The following SLC60A2 variants were observed in gnomAD, a reference collection of about 807,000 sequenced individuals.
The protein encoded by SLC60A2 is solute carrier family 60 member 2, also known as major facilitator superfamily domain containing 4B.
At chr6:111,264,075 C>A in the SLC60A2 span, 31 of 539,068 alleles carry the variant, frequency 5.8e-5, no homozygotes, top group Admixed American at 6.8e-4. Flanking sequence ...TTGTGAGTCA[C>A]TCAGAATGAA....
the SLC60A2 span, among the ~76,000 whole-genome samples, chr6:111,271,833 GTGGCAGGC>G: frequency 1.3e-3 from 196 of 148,270 alleles, 2 homozygotes; most frequent in African/African-American, 4.7e-3. Context: ...AGGTGTGGTG[GTGGCAGGC>G]ATTTGTAATC....
At chr6:111,275,641 C>T in the SLC60A2 span, among the ~76,000 whole-genome samples, 4 of 152,086 alleles carry the variant, frequency 2.6e-5, no homozygotes, top group Non-Finnish European at 5.9e-5. Flanking sequence ...AACTGCTGAC[C>T]TTGTGATCCA....
chr6:111,259,667 G>T, the SLC60A2 span: 14 of 1,587,134 alleles, frequency 8.8e-6, no homozygotes, highest in Non-Finnish European at 1.2e-5. Context: ...AGAGCGGTGG[G>T]ACCGGGAGCA....
chr6:111,276,311 T>C, the SLC60A2 span, among the ~76,000 whole-genome samples: 1 of 152,246 alleles, frequency 6.6e-6, no homozygotes, highest in Non-Finnish European at 1.5e-5. Flanking sequence ...CTGGATCTTA[T>C]GGTAATTCTA....
chr6:111,260,733 T>C, the SLC60A2 span, among the ~76,000 whole-genome samples: 1 of 152,168 alleles, frequency 6.6e-6, no homozygotes, highest in Non-Finnish European at 1.5e-5. Flanking sequence ...AGTATTTTGA[T>C]TGGGGGCGGT....
chr6:111,270,596 C>CT, the SLC60A2 span: 5 of 152,066 alleles, frequency 3.3e-5, no homozygotes, highest in African/African-American at 1.2e-4. Context: ...AATCCCAGCA[C>CT]TTTGGGAGGC....
At chr6:111,260,533 T>C in the SLC60A2 span, among the ~76,000 whole-genome samples, 17 of 152,246 alleles carry the variant, frequency 1.1e-4, no homozygotes, top group Non-Finnish European at 2.4e-4. Flanking sequence ...AATGTTTTTC[T>C]TGGAGCAAAG....
At chr6:111,267,376 A>G in the SLC60A2 span, 2 of 363,292 alleles carry the variant, frequency 5.5e-6, no homozygotes, top group South Asian at 5.7e-5. Flanking sequence ...GAAATATTTT[A>G]TGGTCTCCAC....
At chr6:111,275,488 C>T in the SLC60A2 span, among the ~76,000 whole-genome samples, 2 of 151,354 alleles carry the variant, frequency 1.3e-5, no homozygotes. Context: ...TGGCTCACTG[C>T]AACCTCCAGC....
At chr6:111,262,103 T>G in the SLC60A2 span, among the ~76,000 whole-genome samples, 16 of 151,726 alleles carry the variant, frequency 1.1e-4, no homozygotes, top group Non-Finnish European at 2.1e-4. Context: ...AGAGTTTTAG[T>G]CAAAACTAAA....
chr6:111,265,842 A>T, the SLC60A2 span: 1 of 1,537,734 alleles, frequency 6.5e-7, no homozygotes, highest in South Asian at 1.3e-5. Context: ...GTAACTGTTT[A>T]ACTTAAATAA....
At chr6:111,278,449 A>T in the SLC60A2 span, 1 of 152,170 alleles carries the variant, frequency 6.6e-6, no homozygotes, top group Admixed American at 6.5e-5. Context: ...TGATTGATAT[A>T]GTTTGGCTGT....
chr6:111,259,733 A>T, the SLC60A2 span: 1 of 1,584,548 alleles, frequency 6.3e-7, no homozygotes, highest in Non-Finnish European at 8.6e-7. Flanking sequence ...GGCTGGTGAG[A>T]GCCGGGGCTG....
the SLC60A2 span, chr6:111,267,284 T>G: frequency 1.7e-6 from 1 of 601,992 alleles, no homozygotes; most frequent in African/African-American, 1.8e-5. Context: ...ATTCCCAGAG[T>G]CTTCCATAAA....
the SLC60A2 span, among the ~76,000 whole-genome samples, chr6:111,261,942 A>G: frequency 6.6e-6 from 1 of 152,186 alleles, no homozygotes; most frequent in African/African-American, 2.4e-5. Context: ...AATATATTTC[A>G]AAATGTACGA....
the SLC60A2 span, among the ~76,000 whole-genome samples, chr6:111,275,382 A>G: frequency 6.6e-6 from 1 of 151,700 alleles, no homozygotes; most frequent in African/African-American, 2.4e-5. Flanking sequence ...TGAGTAGCAT[A>G]AGGGGCTGGC....
chr6:111,267,056 T>TAATA, the SLC60A2 span: 19 of 1,614,050 alleles, frequency 1.2e-5, no homozygotes, highest in Admixed American at 3.2e-4. Flanking sequence ...CTTCTCCTTT[T>TAATA]AATACTGGCA....
chr6:111,270,450 G>A, the SLC60A2 span: 1 of 152,208 alleles, frequency 6.6e-6, no homozygotes, highest in Middle Eastern at 3.4e-3. Context: ...CAGGAAGCTG[G>A]GGTGGAAGTA....
At chr6:111,273,233 C>T in the SLC60A2 span, among the ~76,000 whole-genome samples, 11 of 152,100 alleles carry the variant, frequency 7.2e-5, no homozygotes, top group East Asian at 2.1e-3. Flanking sequence ...TCACTGCAGT[C>T]TCAAGCTTTT....
Sources: allele counts gnomAD v4.1 joint callset (sites outside exome capture counted in the v4.1 genomes callset), GRCh38; gene constraint gnomAD v4.1.1; transcripts MANE v1.5; gene names NCBI Gene and HGNC (gene_info 2026-07-23, HGNC 2026-07-21).